The following IQCJ variants were observed in gnomAD, a reference collection of about 807,000 sequenced individuals.
IQCJ encodes IQ motif containing J, also known as IQ domain-containing protein J.
A neutral mutation model predicts 11.0 loss-of-function variants in IQCJ; 9 were observed. The observed-to-expected ratio is 0.82, with a 90% CI of 0.49 to 1.43. The LOEUF (loss-of-function observed/expected upper bound fraction) is 1.43, where lower values mean the gene tolerates loss of function less well. Among genes scored for constraint, IQCJ ranks in the 40% most tolerant of loss-of-function variants. IQCJ has a pLI of 0.00. For synonymous variants in IQCJ, 55 were observed against 51.3 expected (o/e 1.07, Z -0.31); for missense variants, 146 against 133.2 (o/e 1.10, Z -0.47).
chr3:159,187,932 A>G (rs1044894111), intron 1 of IQCJ, among the ~76,000 whole-genome samples: 1 of 152,100 alleles, frequency 6.6e-6, no homozygotes, highest in Admixed American at 6.6e-5. Flanking sequence ...GGTGGGTGGG[A>G]CACTATTAGG....
chr3:159,150,951 C>G (rs1170286490), intron 1 of IQCJ, among the ~76,000 whole-genome samples: 1 of 152,192 alleles, frequency 6.6e-6, no homozygotes, highest in Admixed American at 6.5e-5. Flanking sequence ...CCCGTGCCAT[C>G]CCCTGGTCCT....
At chr3:159,232,451 CTTTTTTTTT>C (rs35423818) in intron 1 of IQCJ, among the ~76,000 whole-genome samples, 5 of 83,762 alleles carry the variant, frequency 6.0e-5, no homozygotes, top group South Asian at 3.9e-4. Context: ...GAGAGACTTT[CTTTTTTTTT>C]TTTTTTTTTT....
intron 1 of IQCJ, among the ~76,000 whole-genome samples, chr3:159,202,161 TC>T (rs1347850582): frequency 6.6e-6 from 1 of 152,166 alleles, no homozygotes; most frequent in Admixed American, 6.5e-5. Context: ...CATAGTTTCA[TC>T]AGCCTCTCAA....
At chr3:159,091,140 C>A (rs1717248640) in intron 1 of IQCJ, among the ~76,000 whole-genome samples, 1 of 151,728 alleles carries the variant, frequency 6.6e-6, no homozygotes, top group African/African-American at 2.4e-5. Context: ...AATTCATCAT[C>A]TTTTGCTACA....
chr3:159,078,760 G>A (rs1203726061), intron 1 of IQCJ, among the ~76,000 whole-genome samples: 1 of 152,022 alleles, frequency 6.6e-6, no homozygotes, highest in Non-Finnish European at 1.5e-5. Flanking sequence ...ATAAAATCCA[G>A]GTAGATCTAG....
chr3:159,140,023 C>T (rs1202601253), intron 1 of IQCJ, among the ~76,000 whole-genome samples: 1 of 152,046 alleles, frequency 6.6e-6, no homozygotes, highest in Non-Finnish European at 1.5e-5. Flanking sequence ...AAGTTTTAGG[C>T]TCACAGCAAA....
chr3:159,160,195 T>C (rs141870223), intron 1 of IQCJ, among the ~76,000 whole-genome samples: 329 of 152,328 alleles, frequency 2.2e-3, no homozygotes, highest in African/African-American at 7.6e-3. Flanking sequence ...TTGGGAGAGA[T>C]GCTGCCCTGT....
chr3:159,172,542 C>T (rs1290350973), intron 1 of IQCJ, among the ~76,000 whole-genome samples: 1 of 151,990 alleles, frequency 6.6e-6, no homozygotes, highest in Non-Finnish European at 1.5e-5. Flanking sequence ...TCAAATTACT[C>T]ATTACCATTT....
chr3:159,132,769 A>G (rs1720064680), intron 1 of IQCJ, among the ~76,000 whole-genome samples: 1 of 152,216 alleles, frequency 6.6e-6, no homozygotes, highest in Non-Finnish European at 1.5e-5. Flanking sequence ...AAGTGTTGCT[A>G]TTGATCTCAG....
chr3:159,123,437 C>T (rs1430650135), intron 1 of IQCJ, among the ~76,000 whole-genome samples: 1 of 152,170 alleles, frequency 6.6e-6, no homozygotes, highest in Non-Finnish European at 1.5e-5. Flanking sequence ...ACACCCCCTG[C>T]CCAGTCAGCT....
intron 2 of IQCJ, 63 bp downstream of exon 2, chr3:159,245,970 C>T: frequency 7.8e-7 from 1 of 1,285,938 alleles, no homozygotes; most frequent in Non-Finnish European, 1.1e-6. Flanking sequence ...AAAAGAAAAT[C>T]TTTCTGGTAA....
At chr3:159,160,921 C>G (rs927843040) in intron 1 of IQCJ, among the ~76,000 whole-genome samples, 5 of 152,110 alleles carry the variant, frequency 3.3e-5, no homozygotes, top group African/African-American at 1.2e-4. Context: ...TTTCTTATTC[C>G]AGTCTATCAT....
chr3:159,143,354 G>A (rs186860102), intron 1 of IQCJ, among the ~76,000 whole-genome samples: 2 of 152,284 alleles, frequency 1.3e-5, no homozygotes, highest in East Asian at 3.9e-4. Context: ...TGAAGAGCTT[G>A]AACCTCTCAA....
At chr3:159,195,683 C>CATCCTGGT in intron 1 of IQCJ, among the ~76,000 whole-genome samples, 1 of 152,344 alleles carries the variant, frequency 6.6e-6, no homozygotes, top group East Asian at 1.9e-4. Context: ...GATTCTTCAG[C>CATCCTGGT]ATCCTGGTAT....
chr3:159,221,305 A>T (rs982940813), intron 1 of IQCJ, among the ~76,000 whole-genome samples: 3 of 152,178 alleles, frequency 2.0e-5, no homozygotes, highest in African/African-American at 7.2e-5. Context: ...TATAATCAAT[A>T]TAAGGTGCCT....
chr3:159,216,610 T>C (rs1725249973), intron 1 of IQCJ, among the ~76,000 whole-genome samples: 1 of 152,192 alleles, frequency 6.6e-6, no homozygotes, highest in Non-Finnish European at 1.5e-5. Context: ...GCCCTTTGTT[T>C]CCTGCCCATT....
downstream of IQCJ, chr3:159,265,352 T>C (rs1223212239): frequency 3.1e-6 from 5 of 1,613,716 alleles, no homozygotes; most frequent in Admixed American, 5.0e-5. Context: ...GGTTCATACA[T>C]ACTCTCAAGG....
intron 1 of IQCJ, among the ~76,000 whole-genome samples, chr3:159,210,700 C>T (rs900622729): frequency 5.3e-5 from 8 of 152,120 alleles, no homozygotes; most frequent in African/African-American, 1.7e-4. Flanking sequence ...GACTGAGTTT[C>T]GCTCTTGTTG....
chr3:159,216,483 G>A (rs537123586), intron 1 of IQCJ, among the ~76,000 whole-genome samples: 1 of 152,228 alleles, frequency 6.6e-6, no homozygotes, highest in East Asian at 1.9e-4. Context: ...AACACCATCA[G>A]TCAGGTAATT....
Sources: allele counts gnomAD v4.1 joint callset (sites outside exome capture counted in the v4.1 genomes callset), GRCh38; gene constraint gnomAD v4.1.1; transcripts MANE v1.5; gene names NCBI Gene and HGNC (gene_info 2026-07-23, HGNC 2026-07-21).